PSD3: variants seen among roughly 807,000 people sequenced by gnomAD.
PSD3 encodes the protein PH and SEC7 domain-containing protein 3.
PSD3 carries 49 observed loss-of-function variants against 105.5 expected under a neutral mutation model. That is an observed-to-expected ratio of 0.46 (90% CI 0.37 to 0.59). The LOEUF (loss-of-function observed/expected upper bound fraction) is 0.59, where lower values mean the gene tolerates loss of function less well. Among genes scored for constraint, PSD3 ranks in the 20% least tolerant of loss-of-function variants. The probability of loss-of-function intolerance (pLI) is 0.00; values close to 1 mark genes in which losing one functional copy is unlikely to be tolerated. For synonymous variants in PSD3, 557 were observed against 457.8 expected, an observed-to-expected ratio of 1.22 and a Z score of -2.77; for missense variants, 1,561 against 1,263.8, an observed-to-expected ratio of 1.24 and a Z score of -3.57.
At chr8:18,964,357 C>T (rs1196018036) in intron 1 of PSD3, among the ~76,000 whole-genome samples, 1 of 152,118 alleles carries the variant, frequency 6.6e-6, no homozygotes, top group South Asian at 2.1e-4. Context: ...CTCATGGGCT[C>T]GAGTGATCCT....
chr8:18,863,285 G>T (rs527504414), intron 4 of PSD3, among the ~76,000 whole-genome samples: 2 of 152,150 alleles, frequency 1.3e-5, no homozygotes, highest in African/African-American at 4.8e-5. Flanking sequence ...CTGATAAGCC[G>T]GCGAGCGAGA....
chr8:18,711,080 G>C (rs1802221778), intron 9 of PSD3, among the ~76,000 whole-genome samples: 1 of 152,106 alleles, frequency 6.6e-6, no homozygotes, highest in African/African-American at 2.4e-5. Context: ...TTTCAGACAA[G>C]CAAATGATGA....
chr8:18,911,599 CAG>C (rs1231888054), intron 2 of PSD3, among the ~76,000 whole-genome samples: 3 of 152,288 alleles, frequency 2.0e-5, no homozygotes, highest in South Asian at 2.1e-4. Context: ...AAGTTCCTAG[CAG>C]AGTGTCTGTT....
intron 15 of PSD3, among the ~76,000 whole-genome samples, chr8:18,555,779 G>A (rs1801030719): frequency 1.3e-5 from 2 of 152,280 alleles, no homozygotes; most frequent in Middle Eastern, 3.4e-3. Context: ...GCATAGTGTT[G>A]CCGAACAGCA....
intron 9 of PSD3, among the ~76,000 whole-genome samples, chr8:18,667,452 G>C (rs1799536644): frequency 6.6e-6 from 1 of 152,108 alleles, no homozygotes; most frequent in African/African-American, 2.4e-5. Context: ...AGCTAGACAT[G>C]AAGATTCTCC....
intron 9 of PSD3, among the ~76,000 whole-genome samples, chr8:18,750,566 G>C (rs913517926): frequency 1.3e-5 from 2 of 152,068 alleles, no homozygotes; most frequent in African/African-American, 4.8e-5. Flanking sequence ...ACCTTCCACA[G>C]TGTGGAAGGG....
intron 15 of PSD3, among the ~76,000 whole-genome samples, chr8:18,554,017 A>G (rs1800926672): frequency 6.6e-6 from 1 of 152,056 alleles, no homozygotes; most frequent in South Asian, 2.1e-4. Flanking sequence ...GTCTAACTTC[A>G]TGTCAGGGAT....
At chr8:18,574,417 A>G (rs142171553) in intron 13 of PSD3, among the ~76,000 whole-genome samples, 130 of 152,296 alleles carry the variant, frequency 8.5e-4, no homozygotes, top group African/African-American at 2.9e-3. Context: ...TTTATGCCCA[A>G]TAGCTGTAAT....
chr8:18,940,546 ACCTT>A (rs1393207032), intron 1 of PSD3: 1 of 152,100 alleles, frequency 6.6e-6, no homozygotes, highest in Non-Finnish European at 1.5e-5. Context: ...AACATACTCC[ACCTT>A]GCTAAATAAT....
intron 8 of PSD3, among the ~76,000 whole-genome samples, chr8:18,780,842 C>A (rs1376326512): frequency 6.6e-6 from 1 of 152,164 alleles, no homozygotes; most frequent in Non-Finnish European, 1.5e-5. Flanking sequence ...GCGTGAGCCA[C>A]CGCGCCTGGC....
chr8:19,083,647 G>A (rs933663532), intron 1 of PSD3, among the ~76,000 whole-genome samples: 5 of 151,280 alleles, frequency 3.3e-5, no homozygotes, highest in Non-Finnish European at 5.9e-5. Context: ...GCTGTGCTCC[G>A]GTTCTGGAAA....
At chr8:18,811,349 T>C (rs1270028092) in intron 4 of PSD3, among the ~76,000 whole-genome samples, 2 of 152,232 alleles carry the variant, frequency 1.3e-5, no homozygotes, top group East Asian at 1.9e-4. Context: ...CTGTCTTCAA[T>C]GATTCAATGA....
At chr8:18,549,635 A>C (rs749894085) in intron 15 of PSD3, among the ~76,000 whole-genome samples, 3 of 152,224 alleles carry the variant, frequency 2.0e-5, no homozygotes, top group Non-Finnish European at 4.4e-5. Context: ...ACGACAACAG[A>C]AAGCTCCCAT....
At chr8:19,073,109 G>A (rs943663250) in intron 1 of PSD3, among the ~76,000 whole-genome samples, 1 of 150,280 alleles carries the variant, frequency 6.7e-6, no homozygotes, top group African/African-American at 2.4e-5. Context: ...AACTTATTTT[G>A]TTCTTTTTCT....
At chr8:18,978,236 C>G (rs1033980079) in intron 1 of PSD3, among the ~76,000 whole-genome samples, 2 of 152,242 alleles carry the variant, frequency 1.3e-5, no homozygotes, top group South Asian at 2.1e-4. Flanking sequence ...CACGTCCACA[C>G]GCTGGGTTTC....
At chr8:18,716,744 T>G (rs62495831) in intron 9 of PSD3, among the ~76,000 whole-genome samples, 3,003 of 152,336 alleles carry the variant, frequency 0.02, 49 homozygotes, top group African/African-American at 0.046. Context: ...CTGTTCTCCA[T>G]GCTTGATTTA....
rs9741 is a variant in PSD3 at position 18,527,546 on chromosome 8, A to G, written c.*8197T>C. ...ATATCACAGCTTCTATACATATCAG[A>G]TGACTCACTTGTCTACAAGGTTTAG... On this transcript the variant is annotated 3_prime_UTR_variant, in exon 16 of 16. Coordinates refer to ENST00000327040, the MANE Select transcript of PSD3 (RefSeq NM_015310.4). 47,622 of 152,512 alleles carry G rather than the reference A, an allele frequency of 0.31. 8,728 individuals are homozygous for G. Among genetic ancestry groups the G allele is most frequent in the African/African-American group, 0.51 (21,292 of 41,460 alleles). The allele number at this position is 152,512 out of a possible 1,614,324, so 9.4% of individuals were successfully genotyped here. A position where few individuals can be genotyped will look rare whatever the true frequency, so the allele number is the denominator to read the frequency against.
At chr8:19,030,513 T>C (rs1375406079) in intron 1 of PSD3, among the ~76,000 whole-genome samples, 1 of 152,050 alleles carries the variant, frequency 6.6e-6, no homozygotes, top group African/African-American at 2.4e-5. Context: ...TATGGTTACT[T>C]AAAAGTGTGT....
rs78739227 is a variant in PSD3 at position 18,725,574 on chromosome 8, G to A, written c.2172+39875C>T. Reference sequence around the variant, plus strand: ...TCCACTTTCCCCTCTTTTGAGAGACGGGGACATCTAAAATGGAGTCAGTAC... The same window carrying A: ...TCCACTTTCCCCTCTTTTGAGAGACAGGGACATCTAAAATGGAGTCAGTAC... On this transcript the variant is annotated intron_variant, in intron 9 of 15. Transcript: ENST00000327040. 5.3e-3 allele frequency among the ~76,000 whole-genome samples: 814 copies of A among 152,234 alleles called. 5 individuals are homozygous for A. The highest frequency in any genetic ancestry group is 0.018 in the African/African-American group (756 of 41,536).
Sources: allele counts gnomAD v4.1 joint callset (sites outside exome capture counted in the v4.1 genomes callset), GRCh38; gene constraint gnomAD v4.1.1; transcripts MANE v1.5; gene names NCBI Gene and HGNC (gene_info 2026-07-23, HGNC 2026-07-21).